LYPLA2: variants seen among roughly 807,000 people sequenced by gnomAD.
The protein encoded by LYPLA2 is lysophospholipase 2.
LYPLA2 carries 7 observed loss-of-function variants against 30.3 expected under a neutral mutation model. That is an observed-to-expected ratio of 0.23 (90% CI 0.13 to 0.43). The LOEUF is 0.43. Ranked by LOEUF, LYPLA2 falls within the 20% of genes least tolerant of loss-of-function variation. The pLI is 1.00. For synonymous variants in LYPLA2, 112 were observed against 118.2 expected (o/e 0.95, Z 0.34); for missense variants, 206 against 307.9 (o/e 0.67, Z 2.48).
rs1638837922 is a variant in LYPLA2, at chr1:23,793,334, CAG to C, written c.176+120_176+121del. ...TCCTGGGGCTTGGGCTCAGGGCAGT[CAG>C]AAGTGGCATTTTCAGCCTGAGCTCC... On this transcript the variant is annotated intron_variant, in intron 4 of 9. Transcript: ENST00000374514. The surrounding 1 kb of genome is among the most constrained non-coding windows in gnomAD (Gnocchi z 6.0). The C allele has an allele frequency of 4.6e-6, 5 of 1,077,742 alleles. No individual in the cohort carries two copies. The South Asian group carries it at 6.7e-5, about 14-fold the overall frequency. The allele number at this position is 1,077,742 out of a possible 1,614,324, so 66.8% of individuals were successfully genotyped here.
At position 23,793,209 on chromosome 1, in the gene LYPLA2, C is replaced by T; in HGVS notation, c.169C>T (p.Pro57Ser). ...IRLPHVKYIC[P>S]HAPRIPVTLN... ...GCTCCCTCACGTCAAGTACATCTGT[C>T]CCCATGCGTGAGTGTCACCCCAGCA... The change falls in exon 4 of 10, where the codon CCC becomes TCC. Residue 57 changes from proline (P) to serine (S), a missense_variant. Physicochemically the swap from Pro to Ser is moderately conservative, Grantham distance 74. Coordinates refer to ENST00000374514, the MANE Select transcript of LYPLA2 (RefSeq NM_007260.3). The surrounding 1 kb of genome is among the most constrained non-coding windows in gnomAD (Gnocchi z 6.0). 1 of 1,613,666 alleles carries T rather than the reference C, an allele frequency of 6.2e-7. No homozygotes were observed. Among genetic ancestry groups the T allele is most frequent in the Non-Finnish European group, 8.5e-7 (1 of 1,179,898 alleles).
Position 23,793,993 on chromosome 1 carries a change from T to A in LYPLA2, c.295+63T>A, listed in dbSNP as rs1638860652. 1.3e-6 allele frequency: 2 copies of A among 1,585,962 alleles called. No individual in the cohort carries two copies. The highest frequency in any genetic ancestry group is 4.5e-5 in the East Asian group (2 of 44,732). On this transcript the variant is annotated intron_variant, in intron 6 of 9. Coordinates refer to ENST00000374514, the MANE Select transcript of LYPLA2 (RefSeq NM_007260.3). The surrounding 1 kb of genome is among the most constrained non-coding windows in gnomAD (Gnocchi z 6.0). ...TGCCCCCCAGGAAAGCGCTGGGCGG[T>A]TCCTCAGCCTAGCTCCCTTATTGGG...
chr1:23,792,103 G>A (rs1431707464), intron 1 of LYPLA2: 2 of 151,850 alleles, frequency 1.3e-5, no homozygotes, highest in Non-Finnish European at 2.9e-5. Context: ...CAGCCCCCTG[G>A]GGGTCTGGGA....
chr1:23,793,784 C>A lies in LYPLA2; in HGVS notation c.224+32C>A. On this transcript the variant is annotated intron_variant, in intron 5 of 9. Transcript: ENST00000374514. This position sits in a 1 kb window ranked among gnomAD's most constrained non-coding sequence, Gnocchi z 6.0. ...TTGGGAGTGGGGGTGGGCAGGGGGA[C>A]GAGGACACTTGGGCTGAGGGAGCCA... The A allele has an allele frequency of 6.2e-7, 1 of 1,613,034 alleles. No individual in the cohort carries two copies. Among genetic ancestry groups the A allele is most frequent in the Non-Finnish European group, 8.5e-7 (1 of 1,179,146 alleles).
chr1:23,792,681 G>T lies in LYPLA2; in HGVS notation c.-2G>T. 6.2e-7 allele frequency: 1 copy of T among 1,611,706 alleles called. No individual in the cohort carries two copies. Among genetic ancestry groups the T allele is most frequent in the Non-Finnish European group, 8.5e-7 (1 of 1,179,842 alleles). Reference sequence around the variant, plus strand: ...GGCCCCCGCCGTGGAGCCGTGTGGTGTATGTGTGGTAACACCATGTCTGTG... The same window carrying T: ...GGCCCCCGCCGTGGAGCCGTGTGGTTTATGTGTGGTAACACCATGTCTGTG... On this transcript the variant is annotated 5_prime_UTR_variant, in exon 2 of 10. Coordinates refer to ENST00000374514, the MANE Select transcript of LYPLA2 (RefSeq NM_007260.3).
In LYPLA2 at chr1:23,793,107, C is replaced by A. The variant is rs1638832125; in HGVS notation, c.111-44C>A. On this transcript the variant is annotated intron_variant, in intron 3 of 9. Coordinates refer to ENST00000374514, the MANE Select transcript of LYPLA2 (RefSeq NM_007260.3). This position sits in a 1 kb window ranked among gnomAD's most constrained non-coding sequence, Gnocchi z 6.0. ...CCCAGCAGCGGACTGGAGAGGCCTT[C>A]TCTTCCTACCACATCGGAGCCTTTT... The A allele has an allele frequency of 1.2e-6, 2 of 1,613,562 alleles. No homozygotes were observed. The highest frequency in any genetic ancestry group is 4.5e-5 in the East Asian group (2 of 44,888).
chr1:23,794,346 C>T lies in LYPLA2; in HGVS notation c.471+21C>T, dbSNP rs763405758. 1 of 1,599,998 alleles carries T rather than the reference C, an allele frequency of 6.3e-7. No homozygotes were observed. Among genetic ancestry groups the T allele is most frequent in the East Asian group, 2.2e-5 (1 of 44,728 alleles). ...CCCAGGTGAATGTCCCCACTGACCC[C>T]CCCGCCCTTTGTGTCTGCATCCTCG... On this transcript the variant is annotated intron_variant, in intron 8 of 9. Transcript: ENST00000374514. The surrounding 1 kb of genome is among the most constrained non-coding windows in gnomAD (Gnocchi z 5.9).
chr1:23,792,535 C>T, intron 1 of LYPLA2, 122 bp from the exon 2 acceptor site: 1 of 655,088 alleles, frequency 1.5e-6, no homozygotes, highest in Non-Finnish European at 2.7e-6. Flanking sequence ...TCTTGCTTGA[C>T]TATTCTTTGT....
In LYPLA2 at chr1:23,793,676, T is replaced by G. The variant is rs1187238136; in HGVS notation, c.177-29T>G. 1.2e-6 allele frequency: 2 copies of G among 1,612,436 alleles called. No homozygotes were observed. ...CTGGCCTCCTCATTCCTCCTGAGCATGATGGGCCCTCTGGCTCTCTTTCCC... is the reference window on the plus strand; with the variant it reads ...CTGGCCTCCTCATTCCTCCTGAGCAGGATGGGCCCTCTGGCTCTCTTTCCC... On this transcript the variant is annotated intron_variant, in intron 4 of 9. Coordinates refer to ENST00000374514, the MANE Select transcript of LYPLA2 (RefSeq NM_007260.3). This position sits in a 1 kb window ranked among gnomAD's most constrained non-coding sequence, Gnocchi z 6.0.
At position 23,794,684 on chromosome 1, in the gene LYPLA2, G is replaced by A; in HGVS notation, c.648G>A (p.Glu216=). The change falls in exon 10 of 10, where the codon GAG becomes GAA. Residue 216 remains glutamate, a splice_region_variant and synonymous_variant. Transcript: ENST00000374514. This position sits in a 1 kb window ranked among gnomAD's most constrained non-coding sequence, Gnocchi z 5.9. The part of the protein sequence containing the change: ...PGVMHSSCPQ[E]MAAVKEFLEK... ...TGATCCCCTCTTAATCCCCTCAGGAGATGGCAGCTGTGAAGGAATTTCTTG... is the reference window on the plus strand; with the variant it reads ...TGATCCCCTCTTAATCCCCTCAGGAAATGGCAGCTGTGAAGGAATTTCTTG... 6.2e-7 allele frequency: 1 copy of A among 1,614,198 alleles called. No individual in the cohort carries two copies. The highest frequency in any genetic ancestry group is 8.5e-7 in the Non-Finnish European group (1 of 1,180,026).
Position 23,794,508 on chromosome 1 carries a change from G to T in LYPLA2, c.553G>T (p.Ala185Ser). 1 of 1,614,076 alleles carries T rather than the reference G, an allele frequency of 6.2e-7. No homozygotes were observed. The highest frequency in any genetic ancestry group is 8.5e-7 in the Non-Finnish European group (1 of 1,179,990). Residue 185 changes from alanine (A) to serine (S), a missense_variant, in exon 9 of 10, where the codon GCC (alanine) becomes TCC (serine). Ala to Ser is a moderately conservative substitution (Grantham distance 99). Coordinates refer to ENST00000374514, the MANE Select transcript of LYPLA2 (RefSeq NM_007260.3). The surrounding 1 kb of genome is among the most constrained non-coding windows in gnomAD (Gnocchi z 5.9). ...LDPMVPVRFG[A>S]LTAEKLRSVV... ...CCCCATGGTGCCCGTACGGTTTGGGGCCCTGACGGCTGAGAAGCTCCGGTC... is the reference window on the plus strand; with the variant it reads ...CCCCATGGTGCCCGTACGGTTTGGGTCCCTGACGGCTGAGAAGCTCCGGTC...
rs931883828 is a variant in LYPLA2 at position 23,793,184 on chromosome 1, G to A, written c.144G>A (p.Arg48=). The A allele has an allele frequency of 1.2e-6, 2 of 1,613,786 alleles. No individual in the cohort carries two copies. The highest frequency in any genetic ancestry group is 1.7e-5 in the Admixed American group (1 of 59,988). Residue 48 remains arginine, a synonymous_variant, in exon 4 of 10, where the codon CGG becomes CGA. Transcript: ENST00000374514. This position sits in a 1 kb window ranked among gnomAD's most constrained non-coding sequence, Gnocchi z 6.0. The part of the protein sequence containing the change: ...HSWADALSTI[R]LPHVKYICPH... ...GGGCTGACGCCCTCTCCACCATCCG[G>A]CTCCCTCACGTCAAGTACATCTGTC...
At position 23,794,197 on chromosome 1, in the gene LYPLA2, C is replaced by T. The variant is rs544533105; in HGVS notation, c.370-27C>T. ...GTGGCCGGTGAGTGAGCTGTGCCCT[C>T]ATGACCCCTCTCTCTCCTCCCTCCA... On this transcript the variant is annotated intron_variant, in intron 7 of 9. Transcript: ENST00000374514. This position sits in a 1 kb window ranked among gnomAD's most constrained non-coding sequence, Gnocchi z 5.9. The T allele has an allele frequency of 2.9e-5, 46 of 1,593,060 alleles. No homozygotes were observed. In the Middle Eastern group the frequency reaches 1.6e-3, roughly 54 times the overall value.
At position 23,794,342 on chromosome 1, in the gene LYPLA2, A is replaced by AC. The variant is rs753673005; in HGVS notation, c.471+24dup. The AC allele has an allele frequency of 7.9e-5, 103 of 1,300,776 alleles. No homozygotes were observed. The Middle Eastern group carries it at 9.2e-4, about 12-fold the overall frequency. 80.6% of individuals were successfully genotyped at this position (1,300,776 alleles called of 1,614,324 possible). A position where few individuals can be genotyped will look rare whatever the true frequency, so the allele number is the denominator to read the frequency against. On this transcript the variant is annotated intron_variant, in intron 8 of 9. Transcript: ENST00000374514. The surrounding 1 kb of genome is among the most constrained non-coding windows in gnomAD (Gnocchi z 5.9). ...TTCCCCCAGGTGAATGTCCCCACTG[A>AC]CCCCCCCGCCCTTTGTGTCTGCATC...
At position 23,793,749 on chromosome 1, in the gene LYPLA2, C is replaced by A; in HGVS notation, c.221C>A (p.Ser74Tyr). 1 of 1,614,048 alleles carries A rather than the reference C, an allele frequency of 6.2e-7. No individual in the cohort carries two copies. The highest frequency in any genetic ancestry group is 8.5e-7 in the Non-Finnish European group (1 of 1,179,950). The change falls in exon 5 of 10, where the codon TCC becomes TAC. Residue 74 changes from serine to tyrosine, a missense_variant. Transcript: ENST00000374514. This position sits in a 1 kb window ranked among gnomAD's most constrained non-coding sequence, Gnocchi z 6.0. ...VTLNMKMVMP[S>Y]WFDLMGLSPD... ...CTCAACATGAAGATGGTGATGCCCT[C>A]CTGGTGAGTTTGGGAGTGGGGGTGG...
Position 23,792,401 on chromosome 1 carries a change from C to T in LYPLA2, c.-26-256C>T, listed in dbSNP as rs990572290. Among the ~76,000 whole-genome samples the T allele has an allele frequency of 9.9e-5, 15 of 152,268 alleles. No individual in the cohort carries two copies. The South Asian group carries it at 1.0e-3, about 11-fold the overall frequency. On this transcript the variant is annotated intron_variant, in intron 1 of 9. Coordinates refer to ENST00000374514, the MANE Select transcript of LYPLA2 (RefSeq NM_007260.3). ...CCCTATGCCCTGCCTCTGCCTGTCT[C>T]CAGCAAGCTCAGGTCCTGTGGTTGG...
Position 23,793,932 on chromosome 1 carries a change from T to A in LYPLA2, c.295+2T>A. 6.2e-7 allele frequency: 1 copy of A among 1,613,426 alleles called. No homozygotes were observed. The highest frequency in any genetic ancestry group is 8.5e-7 in the Non-Finnish European group (1 of 1,179,550). ...GCATCAAGAAGGCAGCAGAGAACAGTAAGACCCCAGCCCCTCCTCCACATC... is the reference window on the plus strand; with the variant it reads ...GCATCAAGAAGGCAGCAGAGAACAGAAAGACCCCAGCCCCTCCTCCACATC... On this transcript the variant is annotated splice_donor_variant, in intron 6 of 9. Coordinates refer to ENST00000374514, the MANE Select transcript of LYPLA2 (RefSeq NM_007260.3). LOFTEE classifies it high-confidence loss of function. This position sits in a 1 kb window ranked among gnomAD's most constrained non-coding sequence, Gnocchi z 6.0.
chr1:23,793,273 C>T lies in LYPLA2; in HGVS notation c.176+57C>T, dbSNP rs189482841. 5.2e-4 allele frequency: 808 copies of T among 1,552,004 alleles called. 4 individuals are homozygous for T. The highest frequency in any genetic ancestry group is 3.2e-3 in the Middle Eastern group (14 of 4,440). ...GGCTGGGGATCATCTGGGGGTGGTCCTGTCATCCCAGGCCTGTTCTCTCCT... is the reference window on the plus strand; with the variant it reads ...GGCTGGGGATCATCTGGGGGTGGTCTTGTCATCCCAGGCCTGTTCTCTCCT... On this transcript the variant is annotated intron_variant, in intron 4 of 9. Coordinates refer to ENST00000374514, the MANE Select transcript of LYPLA2 (RefSeq NM_007260.3). This position sits in a 1 kb window ranked among gnomAD's most constrained non-coding sequence, Gnocchi z 6.0.
In LYPLA2 at chr1:23,794,005, G is replaced by T; in HGVS notation, c.296-58G>T. 6.3e-7 allele frequency: 1 copy of T among 1,596,088 alleles called. No individual in the cohort carries two copies. The highest frequency in any genetic ancestry group is 2.2e-5 in the East Asian group (1 of 44,792). On this transcript the variant is annotated intron_variant, in intron 6 of 9. Transcript: ENST00000374514. This position sits in a 1 kb window ranked among gnomAD's most constrained non-coding sequence, Gnocchi z 5.9. ...AAGCGCTGGGCGGTTCCTCAGCCTAGCTCCCTTATTGGGCCCCTTGGCAGC... is the reference window on the plus strand; with the variant it reads ...AAGCGCTGGGCGGTTCCTCAGCCTATCTCCCTTATTGGGCCCCTTGGCAGC...
Sources: gnomAD v4.1 joint callset for allele counts (sites outside exome capture counted in the v4.1 genomes callset) on GRCh38, gnomAD v4.1.1 for gene constraint, Gnocchi (gnomAD v3.1) non-coding constraint, MANE v1.5 for transcripts, NCBI Gene and HGNC (gene_info 2026-07-23, HGNC 2026-07-21) for gene names.